LPIN1: variants seen among roughly 807,000 people sequenced by gnomAD.
LPIN1 encodes the protein lipin 1.
In LPIN1, 71 loss-of-function variants were observed where a neutral mutation model predicts 107.5. The ratio of observed to expected loss-of-function variants is 0.66; its 90% CI spans 0.55 to 0.80. LPIN1 has a LOEUF of 0.80. Ranked by LOEUF, LPIN1 falls within the 30% of genes least tolerant of loss-of-function variation. The probability of loss-of-function intolerance (pLI) is 0.00; values close to 1 mark genes in which losing one functional copy is unlikely to be tolerated. For missense variants in LPIN1, 1,043 were observed against 1,160.6 expected, an observed-to-expected ratio of 0.90 and a Z score of 1.47; for synonymous variants, 445 against 452.6, an observed-to-expected ratio of 0.98 and a Z score of 0.21.
intron 1 of LPIN1, among the ~76,000 whole-genome samples, chr2:11,690,158 T>C (rs1350163179): frequency 6.6e-6 from 1 of 152,214 alleles, no homozygotes; most frequent in Non-Finnish European, 1.5e-5. Context: ...ACCTCTTGTA[T>C]CTTTATCTAC....
At chr2:11,821,173 C>T (rs990477001) in intron 20 of LPIN1, among the ~76,000 whole-genome samples, 1 of 152,166 alleles carries the variant, frequency 6.6e-6, no homozygotes, top group Non-Finnish European at 1.5e-5. Flanking sequence ...CTGCCTTGTC[C>T]ATTTCAGAGA....
intron 1 of LPIN1, among the ~76,000 whole-genome samples, chr2:11,731,691 G>T (rs529811662): frequency 6.6e-6 from 1 of 152,320 alleles, no homozygotes; most frequent in Admixed American, 6.5e-5. Context: ...CACCAACAGT[G>T]TAAAAGCATT....
rs1674549281 is a variant in LPIN1 at position 11,786,213 on chromosome 2, G to A, written c.1550-861G>A. The stretch of plus-strand genomic sequence containing the variant: ...AGAGTCCCCGGAGGTCCTGATTAGG[G>A]CTCTGAGGGTGCATGTTGAAGCCAG... On this transcript the variant is annotated intron_variant, in intron 10 of 20. Coordinates refer to ENST00000674199, the MANE Select transcript of LPIN1 (RefSeq NM_001349206.2). This position sits in a 1 kb window ranked among gnomAD's most constrained non-coding sequence, Gnocchi z 4.1. Among the ~76,000 whole-genome samples, 1 of 152,178 alleles carries A rather than the reference G, an allele frequency of 6.6e-6. No individual in the cohort carries two copies.
At chr2:11,749,888 T>A (rs1667529500) in intron 1 of LPIN1, among the ~76,000 whole-genome samples, 1 of 152,224 alleles carries the variant, frequency 6.6e-6, no homozygotes, top group Non-Finnish European at 1.5e-5. Context: ...AACTTAAAAT[T>A]TTCGGCTGAT....
chr2:11,788,343 C>G (rs370869442), intron 11 of LPIN1, 44 bp from the exon 12 acceptor site: 53 of 1,486,488 alleles, frequency 3.6e-5, no homozygotes, highest in Non-Finnish European at 4.7e-5. Flanking sequence ...GGTTTTCAGT[C>G]TGAGCCTCGG....
At position 11,785,095 on chromosome 2, in the gene LPIN1, GGGCGCC is replaced by G. The variant is rs1674309874; in HGVS notation, c.1549+20_1549+25del. ...ACGAAAGGTACCGCGGGCCTCGCGC[GGGCGCC>G]CTCTGGTGGCCGCCGGTCAGAAGGC... On this transcript the variant is annotated intron_variant, in intron 10 of 20. Transcript: ENST00000674199. The G allele has an allele frequency of 5.9e-6, 9 of 1,530,418 alleles. No homozygotes were observed. The highest frequency in any genetic ancestry group is 7.9e-6 in the Non-Finnish European group (9 of 1,143,270). 94.8% of individuals were successfully genotyped at this position (1,530,418 alleles called of 1,614,324 possible).
Position 11,678,734 on chromosome 2 carries a change from A to G in LPIN1, c.81+1006A>G, listed in dbSNP as rs367570377. Among the ~76,000 whole-genome samples, 8 of 152,282 alleles carry G rather than the reference A, an allele frequency of 5.3e-5. No homozygotes were observed. In the South Asian group the frequency reaches 1.7e-3, roughly 32 times the overall value. ...GGCGGCAATGCAGTGAGGGCTCTCT[A>G]GGGAGAAAGGAGGCGTGGATCCTGC... On this transcript the variant is annotated intron_variant, in intron 1 of 21. Transcript: ENST00000449576.
Position 11,804,592 on chromosome 2 carries a change from G to A in LPIN1, c.2162+21G>A, listed in dbSNP as rs370094035. ...ACCAGGTAGGTCCTGCTGACTTGGG[G>A]CCCATGGTAGATTTCTTTGCTTCAC... On this transcript the variant is annotated intron_variant, in intron 16 of 20. Coordinates refer to ENST00000674199, the MANE Select transcript of LPIN1 (RefSeq NM_001349206.2). 169 of 1,611,866 alleles carry A rather than the reference G, an allele frequency of 1.0e-4. No individual in the cohort carries two copies. The African/African-American group carries it at 1.9e-3, about 18-fold the overall frequency.
At chr2:11,760,102 T>G (rs547579311) in intron 1 of LPIN1, among the ~76,000 whole-genome samples, 2,867 of 146,272 alleles carry the variant, frequency 0.02, 30 homozygotes, top group African/African-American at 0.068. Context: ...GCAGAGGCGC[T>G]CCCCACATCT....
At position 11,826,457 on chromosome 2, in the gene LPIN1, T is replaced by C. The variant is rs539606597; in HGVS notation, c.*1666T>C. 2 of 136,844 alleles carry C rather than the reference T, an allele frequency of 1.5e-5. No individual in the cohort carries two copies. The highest frequency in any genetic ancestry group is 2.2e-4 in the South Asian group (1 of 4,546). The allele number at this position is 136,844 out of a possible 1,614,324, so 8.5% of individuals were successfully genotyped here. On this transcript the variant is annotated 3_prime_UTR_variant, in exon 21 of 21. Coordinates refer to ENST00000674199, the MANE Select transcript of LPIN1 (RefSeq NM_001349206.2). The stretch of plus-strand genomic sequence containing the variant: ...AAAATAGTCCTGCCTGAGGTTGCAG[T>C]GAGCCGAGCTTGCACTACTGCACTC...
chr2:11,817,044 T>G (rs1005079583), intron 18 of LPIN1: 3 of 152,206 alleles, frequency 2.0e-5, no homozygotes, highest in African/African-American at 7.2e-5. Context: ...CTGTTAGTTT[T>G]CTGAGAATGA....
At chr2:11,764,971 C>G (rs1670548153) in intron 1 of LPIN1, among the ~76,000 whole-genome samples, 1 of 152,152 alleles carries the variant, frequency 6.6e-6, no homozygotes, top group Admixed American at 6.5e-5. Flanking sequence ...GTGCTGGACT[C>G]TGGGAGAGTG....
intron 17 of LPIN1, among the ~76,000 whole-genome samples, chr2:11,813,640 C>T (rs1680065253): frequency 6.6e-6 from 1 of 152,028 alleles, no homozygotes; most frequent in South Asian, 2.1e-4. Flanking sequence ...TGGGGCCGGG[C>T]GTGGTGGCTC....
At chr2:11,766,366 G>C (rs1449178372) in intron 2 of LPIN1, among the ~76,000 whole-genome samples, 1 of 152,200 alleles carries the variant, frequency 6.6e-6, no homozygotes, top group Non-Finnish European at 1.5e-5. Flanking sequence ...GAAGGATAAA[G>C]TTCATAAATT....
intron 9 of LPIN1, 54 bp downstream of exon 9, chr2:11,783,976 G>A (rs768780809): frequency 1.6e-5 from 25 of 1,612,520 alleles, no homozygotes; most frequent in Non-Finnish European, 2.0e-5. Flanking sequence ...ATATCATTCT[G>A]TGTGAGACCA....
chr2:11,735,285 C>T (rs1399923676), intron 1 of LPIN1, among the ~76,000 whole-genome samples: 1 of 140,016 alleles, frequency 7.1e-6, no homozygotes, highest in Non-Finnish European at 1.5e-5. Context: ...GAGTAAGACT[C>T]TGTCTCAAAA....
chr2:11,808,553 A>G (rs1446131111), intron 17 of LPIN1, among the ~76,000 whole-genome samples: 1 of 152,178 alleles, frequency 6.6e-6, no homozygotes, highest in Non-Finnish European at 1.5e-5. Context: ...CTTACATTTT[A>G]TGCACTGTAG....
chr2:11,746,784 CG>C, intron 1 of LPIN1, 113 bp downstream of exon 1: 1 of 446,234 alleles, frequency 2.2e-6, no homozygotes, highest in Non-Finnish European at 3.0e-6. Flanking sequence ...GGCGGGGGCT[CG>C]GCCCCGGGGC....
rs531764711 is a variant in LPIN1 at position 11,707,490 on chromosome 2, T to G, written c.82-6266T>G. ...TGAGCAGACCGGGGAGCACGGGAAG[T>G]TTTGAGCTGAGGAGTGGTGTGATCT... On this transcript the variant is annotated intron_variant, in intron 1 of 21. Coordinates refer to the LPIN1 transcript ENST00000449576. This position sits in a 1 kb window ranked among gnomAD's most constrained non-coding sequence, Gnocchi z 4.2. 1.2e-3 allele frequency among the ~76,000 whole-genome samples: 179 copies of G among 152,010 alleles called. No homozygotes were observed. Among genetic ancestry groups the G allele is most frequent in the Non-Finnish European group, 2.0e-3 (136 of 67,958 alleles).
Sources: allele counts gnomAD v4.1 joint callset (sites outside exome capture counted in the v4.1 genomes callset), GRCh38; gene constraint gnomAD v4.1.1; non-coding constraint Gnocchi (gnomAD v3.1); transcripts MANE v1.5; gene names NCBI Gene and HGNC (gene_info 2026-07-23, HGNC 2026-07-21).